The following POLH variants were observed in gnomAD, a reference collection of about 807,000 sequenced individuals.
POLH encodes the protein DNA polymerase eta transcript.
POLH carries 53 observed loss-of-function variants against 73.6 expected under a neutral mutation model. That is an observed-to-expected ratio of 0.72 (90% confidence interval 0.58 to 0.91). The LOEUF (loss-of-function observed/expected upper bound fraction) is 0.91. Ranked by LOEUF, POLH falls within the 40% of genes least tolerant of loss-of-function variation. The probability of loss-of-function intolerance (pLI) is 0.00; values close to 1 mark genes in which losing one functional copy is unlikely to be tolerated. For synonymous variants in POLH, 292 were observed against 308.5 expected (o/e 0.95, Z 0.56); for missense variants, 768 against 865.4 (o/e 0.89, Z 1.41).
rs558199141 is a variant in POLH at position 43,595,522 on chromosome 6, C to T, written c.491-2174C>T. ...CAGCACTTTGGGAGGCCAAGGCAGG[C>T]GGATCACGAGGTCAGAAGATCAAGA... On this transcript the variant is annotated intron_variant, in intron 4 of 10. Transcript: ENST00000372236. Among the ~76,000 whole-genome samples the T allele has an allele frequency of 7.2e-5, 11 of 152,150 alleles. No homozygotes were observed. In the East Asian group the frequency reaches 1.7e-3, roughly 24 times the overall value.
At chr6:43,582,500 G>A in intron 2 of POLH, 44 bp downstream of exon 2, 1 of 1,586,390 alleles carries the variant, frequency 6.3e-7, no homozygotes, top group Non-Finnish European at 8.7e-7. Context: ...TGGTAACACA[G>A]TGGCACTGTG....
At chr6:43,580,727 A>C (rs1420949555) in intron 1 of POLH, among the ~76,000 whole-genome samples, 15 of 76,344 alleles carry the variant, frequency 2.0e-4, no homozygotes, top group South Asian at 4.2e-4. Flanking sequence ...CGACACCCCC[A>C]CCTCCCTCCC....
intron 9 of POLH, among the ~76,000 whole-genome samples, chr6:43,608,246 C>CAA (rs1767512157): frequency 6.6e-6 from 1 of 152,178 alleles, no homozygotes; most frequent in South Asian, 2.1e-4. Flanking sequence ...TATTTTCTCC[C>CAA]ATTCTGTGGG....
At chr6:43,579,881 T>C (rs1007375558) in intron 1 of POLH, among the ~76,000 whole-genome samples, 1 of 152,100 alleles carries the variant, frequency 6.6e-6, no homozygotes, top group Non-Finnish European at 1.5e-5. Flanking sequence ...TTATTGATTG[T>C]TGTTGAGTGA....
At chr6:43,582,913 CTAATA>C in intron 2 of POLH, 89 bp from the exon 3 acceptor site, 2 of 1,119,090 alleles carry the variant, frequency 1.8e-6, no homozygotes, top group Non-Finnish European at 2.6e-6. Flanking sequence ...CAAAAAGTTT[CTAATA>C]TGTTTATAGA....
chr6:43,614,136 G>A lies in POLH; in HGVS notation c.1721G>A (p.Cys574Tyr), dbSNP rs761982554. 1 of 1,614,220 alleles carries A rather than the reference G, an allele frequency of 6.2e-7. No individual in the cohort carries two copies. The highest frequency in any genetic ancestry group is 8.5e-7 in the Non-Finnish European group (1 of 1,180,040). ...TCTTTACCAACAGAGTATCCAGGGT[G>A]TGTCCCTGTTTGTGAAGGGGTGTCG... is the stretch of plus-strand genomic sequence containing the variant. ...PNSLPTEYPG[C>Y]VPVCEGVSKL... is the part of the protein sequence containing the mutation. The change falls in exon 11 of 11, where the codon TGT (cysteine) becomes TAT (tyrosine). Residue 574 changes from cysteine (C) to tyrosine (Y), a missense_variant. Physicochemically the swap from Cys to Tyr is radical, Grantham distance 194. Transcript: ENST00000372236.
intron 4 of POLH, among the ~76,000 whole-genome samples, chr6:43,596,333 AT>A (rs1431249776): frequency 2.0e-5 from 3 of 152,066 alleles, no homozygotes; most frequent in Admixed American, 1.3e-4. Context: ...AATACAAAAA[AT>A]TAGCTGGGCG....
rs142899180 is a variant in POLH at position 43,614,413 on chromosome 6, C to T, written c.1998C>T (p.Pro666=). Residue 666 remains proline (P), a synonymous_variant, in exon 11 of 11, where the codon CCC becomes CCT. Coordinates refer to ENST00000372236, the MANE Select transcript of POLH (RefSeq NM_006502.3). The part of the protein sequence containing the change: ...ALELQKSFLQ[P]HSSNPQVVSA... ...AGTTGCAGAAATCCTTTTTGCAGCC[C>T]CACTCTTCAAACCCCCAGGTTGTTT... 3.7e-6 allele frequency: 6 copies of T among 1,614,090 alleles called. No individual in the cohort carries two copies. Among genetic ancestry groups the T allele is most frequent in the Middle Eastern group, 1.7e-4 (1 of 6,060 alleles).
chr6:43,607,458 T>G (rs574781492), intron 9 of POLH, among the ~76,000 whole-genome samples: 4 of 152,248 alleles, frequency 2.6e-5, no homozygotes, highest in Non-Finnish European at 5.9e-5. Context: ...ATTTTGCTTA[T>G]CTACTTATTA....
chr6:43,620,451 T>C lies in POLH; in HGVS notation c.*5894T>C, dbSNP rs1458876394. ...CTAATCCTGAAGAGGTATCTAGCCC[T>C]GGAAGGAAGCTGAGCCTGTAGCTAA... On this transcript the variant is annotated 3_prime_UTR_variant, in exon 11 of 11. Transcript: ENST00000372236. 2.7e-6 allele frequency: 1 copy of C among 372,898 alleles called. No individual in the cohort carries two copies. Among genetic ancestry groups the C allele is most frequent in the Admixed American group, 4.2e-5 (1 of 23,590 alleles). The allele number at this position is 372,898 out of a possible 1,614,324, so 23.1% of individuals were successfully genotyped here. A position where few individuals can be genotyped will look rare whatever the true frequency, so the allele number is the denominator to read the frequency against.
intron 4 of POLH, among the ~76,000 whole-genome samples, chr6:43,587,696 T>C (rs1371747279): frequency 6.6e-6 from 1 of 152,206 alleles, no homozygotes; most frequent in African/African-American, 2.4e-5. Context: ...TGAAAGTAAA[T>C]TTCTCTTTAG....
Position 43,620,512 on chromosome 6 carries a change from T to A in POLH, c.*5955T>A, listed in dbSNP as rs1298697874. The A allele has an allele frequency of 3.4e-6, 1 of 292,818 alleles. No homozygotes were observed. Among genetic ancestry groups the A allele is most frequent in the Non-Finnish European group, 6.6e-6 (1 of 151,448 alleles). The allele number at this position is 292,818 out of a possible 1,614,324, so 18.1% of individuals were successfully genotyped here. On this transcript the variant is annotated 3_prime_UTR_variant, in exon 11 of 11. Transcript: ENST00000372236. Reference sequence around the variant, plus strand: ...CAGTGTATTCAATAAAACATTTTTATTCTGTACAATATATATGTGTATTTA... The same window carrying A: ...CAGTGTATTCAATAAAACATTTTTAATCTGTACAATATATATGTGTATTTA...
chr6:43,579,094 C>T (rs1193146179), intron 1 of POLH, among the ~76,000 whole-genome samples: 1 of 152,184 alleles, frequency 6.6e-6, no homozygotes, highest in African/African-American at 2.4e-5. Context: ...CGGTTCCTAG[C>T]TCATAACTCC....
intron 10 of POLH, among the ~76,000 whole-genome samples, chr6:43,612,786 GA>G (rs1768035505): frequency 6.6e-6 from 1 of 150,986 alleles, no homozygotes; most frequent in East Asian, 1.9e-4. Flanking sequence ...GGAACTTTAT[GA>G]CAAAAATTTC....
rs1336281551 is a variant in POLH at position 43,618,965 on chromosome 6, G to A, written c.*4408G>A. ...CTTTTTATTTTATTTATAAATTGGG[G>A]GGGGGGTTCTATATTTAGTTTGAAG... is the stretch of plus-strand genomic sequence containing the variant. On this transcript the variant is annotated 3_prime_UTR_variant, in exon 11 of 11. Coordinates refer to ENST00000372236, the MANE Select transcript of POLH (RefSeq NM_006502.3). 1.3e-5 allele frequency among the ~76,000 whole-genome samples: 2 copies of A among 151,326 alleles called. No homozygotes were observed. Among genetic ancestry groups the A allele is most frequent in the African/African-American group, 4.9e-5 (2 of 41,234 alleles).
intron 4 of POLH, among the ~76,000 whole-genome samples, chr6:43,595,664 T>C (rs1765963763): frequency 6.6e-6 from 1 of 151,934 alleles, no homozygotes; most frequent in South Asian, 2.1e-4. Context: ...GGCAGGAGAA[T>C]GACGTGGACT....
Position 43,605,443 on chromosome 6 carries a change from C to CTTTCT in POLH, c.1074+127_1074+128insCTTTT, listed in dbSNP as rs1432121621. On this transcript the variant is annotated intron_variant, in intron 9 of 10. Coordinates refer to ENST00000372236, the MANE Select transcript of POLH (RefSeq NM_006502.3). ...AGCATAGGAAATATCCGTTTTCTTTCTTTTTTTTTTTTTTTTTTTTTTTTG... is the reference window on the plus strand; with the variant it reads ...AGCATAGGAAATATCCGTTTTCTTTCTTTCTTTTTTTTTTTTTTTTTTTTTTTTTG... 48 of 296,274 alleles carry CTTTCT rather than the reference C, an allele frequency of 1.6e-4. No homozygotes were observed. In the African/African-American group the frequency reaches 1.7e-3, roughly 11 times the overall value. 18.4% of individuals were successfully genotyped at this position (296,274 alleles called of 1,614,324 possible). A position where few individuals can be genotyped will look rare whatever the true frequency, so the allele number is the denominator to read the frequency against.
chr6:43,582,966 CATATA>C, intron 2 of POLH, 36 bp from the exon 3 acceptor site: 6 of 1,565,704 alleles, frequency 3.8e-6, no homozygotes, highest in African/African-American at 2.7e-5. Flanking sequence ...TGCTTGTGAT[CATATA>C]ATATGTTTTC....
rs1220208785 is a variant in POLH at position 43,591,637 on chromosome 6, TA to T, written c.490+4151del. On this transcript the variant is annotated intron_variant, in intron 4 of 10. Transcript: ENST00000372236. ...CCCAGCCTGATTTTTTTTTTTTTTT[TA>T]AATATTTGGAATTGGTTTTATAATG... is the stretch of plus-strand genomic sequence containing the variant. Among the ~76,000 whole-genome samples, 245 of 150,128 alleles carry T rather than the reference TA, an allele frequency of 1.6e-3. 1 individual carries two copies. The highest frequency in any genetic ancestry group is 5.6e-3 in the African/African-American group (229 of 40,650).
Sources: allele counts gnomAD v4.1 joint callset (sites outside exome capture counted in the v4.1 genomes callset), GRCh38; gene constraint gnomAD v4.1.1; transcripts MANE v1.5; gene names NCBI Gene and HGNC (gene_info 2026-07-23, HGNC 2026-07-21).